The following TBC1D2B variants were observed in gnomAD, a reference collection of about 807,000 sequenced individuals.
TBC1D2B encodes the protein TBC1 domain family member 2B.
In TBC1D2B, 64 loss-of-function variants were observed where a neutral mutation model predicts 100.8. The observed-to-expected ratio is 0.64, with a 90% confidence interval of 0.52 to 0.78. The LOEUF (loss-of-function observed/expected upper bound fraction) is 0.78, where lower values mean the gene tolerates loss of function less well. Among genes scored for constraint, TBC1D2B ranks in the 30% least tolerant of loss-of-function variants. The pLI is 0.00. For synonymous variants in TBC1D2B, 480 were observed against 479.7 expected (o/e 1.00, Z -0.01); for missense variants, 1,052 against 1,218.4 (o/e 0.86, Z 2.03).
rs1326016001 is a variant in TBC1D2B, at chr15:78,024,154, A to G, written c.1470+2T>C. The G allele has an allele frequency of 6.2e-7, 1 of 1,606,998 alleles. No homozygotes were observed. The highest frequency in any genetic ancestry group is 8.5e-7 in the Non-Finnish European group (1 of 1,175,946). On this transcript the variant is annotated splice_donor_variant, in intron 6 of 12. Transcript: ENST00000300584. LOFTEE classifies it high-confidence loss of function. The stretch of plus-strand genomic sequence containing the variant: ...TCACCAGAGCCCCTGCCCCACTCTT[A>G]CTTTCAGCCTGTCCAGTTCCAGCTG...
intron 6 of TBC1D2B, among the ~76,000 whole-genome samples, chr15:78,019,427 G>GT (rs2072457181): frequency 6.6e-6 from 1 of 152,092 alleles, no homozygotes; most frequent in South Asian, 2.1e-4. Flanking sequence ...TAGCTCCATG[G>GT]TCTCAGGCCC....
chr15:78,015,103 A>T (rs1168132386), intron 8 of TBC1D2B, among the ~76,000 whole-genome samples: 1 of 152,200 alleles, frequency 6.6e-6, no homozygotes, highest in Non-Finnish European at 1.5e-5. Flanking sequence ...CAGGAGGCTG[A>T]GGCAGGAGAA....
intron 3 of TBC1D2B, among the ~76,000 whole-genome samples, chr15:78,039,642 C>G (rs963662255): frequency 1.3e-5 from 2 of 152,070 alleles, no homozygotes; most frequent in South Asian, 4.1e-4. Flanking sequence ...TACCAGCAGG[C>G]CTGGGTTGTG....
chr15:78,011,356 A>G (rs1233226783), intron 9 of TBC1D2B, among the ~76,000 whole-genome samples: 1 of 152,216 alleles, frequency 6.6e-6, no homozygotes, highest in Non-Finnish European at 1.5e-5. Context: ...AGGAGCAAAA[A>G]AGGCCTGTGG....
intron 10 of TBC1D2B, among the ~76,000 whole-genome samples, chr15:78,003,843 G>A (rs1279037376): frequency 2.6e-5 from 4 of 152,338 alleles, no homozygotes; most frequent in South Asian, 2.1e-4. Flanking sequence ...AAGTAAATAC[G>A]TGAGATGTTG....
At chr15:78,014,614 G>C (rs1249360731) in intron 8 of TBC1D2B, among the ~76,000 whole-genome samples, 1 of 152,198 alleles carries the variant, frequency 6.6e-6, no homozygotes, top group East Asian at 1.9e-4. Context: ...AACATGCTCA[G>C]TCGTGTGCAT....
At chr15:78,030,468 A>AT (rs552651969) in intron 3 of TBC1D2B, among the ~76,000 whole-genome samples, 3 of 150,198 alleles carry the variant, frequency 2.0e-5, no homozygotes, top group Non-Finnish European at 3.0e-5. Flanking sequence ...TGCCCAGCTA[A>AT]TTTTTTTTTT....
intron 8 of TBC1D2B, 135 bp from the exon 9 acceptor site, chr15:78,013,452 G>T: frequency 1.2e-6 from 1 of 868,092 alleles, no homozygotes; most frequent in Non-Finnish European, 1.7e-6. Flanking sequence ...TTTCAAATCA[G>T]TGAGGATATA....
Position 78,016,730 on chromosome 15 carries a change from G to T in TBC1D2B, c.1591C>A (p.Leu531Met). 1 of 1,550,618 alleles carries T rather than the reference G, an allele frequency of 6.4e-7. No homozygotes were observed. The highest frequency in any genetic ancestry group is 8.7e-7 in the Non-Finnish European group (1 of 1,150,728). ...TCTATCTGGCAGAGCTTGGCTTCCAGGCTAGAATACTGCAGAGAATGTGGT... is the reference window on the plus strand; with the variant it reads ...TCTATCTGGCAGAGCTTGGCTTCCATGCTAGAATACTGCAGAGAATGTGGT... ...ERDLMAKYSS[L>M]EAKLCQIESK... Residue 531 changes from leucine to methionine, a missense_variant, in exon 8 of 13, where the codon CTG (leucine) becomes ATG (methionine). Coordinates refer to ENST00000300584, the MANE Select transcript of TBC1D2B (RefSeq NM_144572.2).
chr15:78,051,718 A>G (rs567115829), intron 2 of TBC1D2B, among the ~76,000 whole-genome samples: 120 of 152,354 alleles, frequency 7.9e-4, no homozygotes, highest in African/African-American at 2.8e-3. Context: ...TTCTTACTAG[A>G]GTAGGCTAAG....
At chr15:78,037,672 T>C (rs28417785) in intron 3 of TBC1D2B, among the ~76,000 whole-genome samples, 7,774 of 152,190 alleles carry the variant, frequency 0.051, 398 homozygotes, top group African/African-American at 0.12. Flanking sequence ...CAGGCAGTCC[T>C]GCAGAACGGG....
rs181059762 is a variant in TBC1D2B at position 78,048,967 on chromosome 15, C to T, written c.515-3899G>A. Among the ~76,000 whole-genome samples, 594 of 152,334 alleles carry T rather than the reference C, an allele frequency of 3.9e-3. 13 individuals carry two copies. The highest frequency in any genetic ancestry group is 0.035 in the Admixed American group (539 of 15,306). On this transcript the variant is annotated intron_variant, in intron 2 of 12. Coordinates refer to ENST00000300584, the MANE Select transcript of TBC1D2B (RefSeq NM_144572.2). The stretch of plus-strand genomic sequence containing the variant: ...AAAGAACACTGGGAAAGGGTTGTAC[C>T]CATATGCATCAAAGCACACAGCAAA...
At chr15:78,015,505 C>T (rs561967996) in intron 8 of TBC1D2B, among the ~76,000 whole-genome samples, 16 of 152,296 alleles carry the variant, frequency 1.1e-4, no homozygotes, top group Non-Finnish European at 1.5e-4. Flanking sequence ...ACACACAGCA[C>T]GTTTAGAAGC....
At chr15:78,003,234 C>A in intron 11 of TBC1D2B, 71 bp downstream of exon 11, 1 of 1,454,798 alleles carries the variant, frequency 6.9e-7, no homozygotes. Flanking sequence ...GCCAGCCGCT[C>A]TACCGCCACC....
chr15:78,026,085 T>C (rs1271482068), intron 4 of TBC1D2B, among the ~76,000 whole-genome samples: 2 of 151,882 alleles, frequency 1.3e-5, no homozygotes, highest in African/African-American at 4.8e-5. Context: ...ATACTAAGCA[T>C]CCTATTTTTG....
chr15:78,060,253 C>T lies in TBC1D2B; in HGVS notation c.361-6066G>A, dbSNP rs538586735. Among the ~76,000 whole-genome samples, 6 of 152,294 alleles carry T rather than the reference C, an allele frequency of 3.9e-5. No homozygotes were observed. In the South Asian group the frequency reaches 1.2e-3, roughly 32 times the overall value. On this transcript the variant is annotated intron_variant, in intron 1 of 12. Coordinates refer to ENST00000300584, the MANE Select transcript of TBC1D2B (RefSeq NM_144572.2). ...TTAATTCCTACCTCTGAGATATTCA[C>T]CGCAAGCAAACATTTTCCTTTATGC...
chr15:78,069,084 A>C (rs1048088175), intron 1 of TBC1D2B, among the ~76,000 whole-genome samples: 1 of 151,820 alleles, frequency 6.6e-6, no homozygotes, highest in African/African-American at 2.4e-5. Context: ...TCTGCACCCC[A>C]GTGGCTCAAA....
intron 1 of TBC1D2B, among the ~76,000 whole-genome samples, chr15:78,070,346 T>C (rs1158609169): frequency 6.8e-6 from 1 of 147,284 alleles, no homozygotes; most frequent in Non-Finnish European, 1.5e-5. Flanking sequence ...CCACCAACCA[T>C]AAACCAGATC....
chr15:78,006,040 CTCA>C (rs1393770692), intron 10 of TBC1D2B, among the ~76,000 whole-genome samples: 3 of 152,086 alleles, frequency 2.0e-5, no homozygotes, highest in African/African-American at 4.8e-5. Flanking sequence ...GGGTATTACT[CTCA>C]TCTTACATAT....
Sources: gnomAD v4.1 joint callset for allele counts (sites outside exome capture counted in the v4.1 genomes callset) on GRCh38, gnomAD v4.1.1 for gene constraint, MANE v1.5 for transcripts, NCBI Gene and HGNC (gene_info 2026-07-23, HGNC 2026-07-21) for gene names.